The following ADAM12 variants were observed in gnomAD, a reference collection of about 807,000 sequenced individuals.
ADAM12 encodes disintegrin and metalloproteinase domain-containing protein 12.
Under a neutral mutation model 106.4 loss-of-function variants are expected in ADAM12, and 70 were observed. The observed-to-expected ratio is 0.66, with a 90% CI of 0.54 to 0.80. The LOEUF is 0.80. ADAM12 is among the 30% of genes least tolerant of loss of function. The pLI, the probability that ADAM12 is intolerant of heterozygous loss-of-function variation, is 0.00. For missense variants in ADAM12, 1,010 were observed against 1,171.9 expected (o/e 0.86, Z 2.02); for synonymous variants, 420 against 433.5 (o/e 0.97, Z 0.39).
chr10:126,191,087 C>T (rs1282621134), intron 3 of ADAM12, among the ~76,000 whole-genome samples: 13 of 149,054 alleles, frequency 8.7e-5, no homozygotes, highest in African/African-American at 1.7e-4. Context: ...CTGCAACCTC[C>T]GCCTCCTGGG....
In ADAM12 at chr10:126,049,003, C is replaced by G. The variant is rs1321695336; in HGVS notation, c.1917+250G>C. 6.6e-6 allele frequency among the ~76,000 whole-genome samples: 1 copy of G among 152,198 alleles called. No individual in the cohort carries two copies. The highest frequency in any genetic ancestry group is 2.4e-5 in the African/African-American group (1 of 41,442). On this transcript the variant is annotated intron_variant, in intron 16 of 22. Coordinates refer to ENST00000448723, the MANE Select transcript of ADAM12 (RefSeq NM_001288973.2). The surrounding 1 kb of genome is among the most constrained non-coding windows in gnomAD (Gnocchi z 4.4). ...CAAAGTAATTTCCTGGCTAGAAGTC[C>G]TCATGCCACCTGGAGTGTAGAAATG...
At chr10:126,177,836 T>C (rs191621443) in intron 3 of ADAM12, among the ~76,000 whole-genome samples, 5 of 152,296 alleles carry the variant, frequency 3.3e-5, no homozygotes, top group Non-Finnish European at 7.3e-5. Context: ...CCTTCTTCAC[T>C]ATCAGGCTTT....
intron 1 of ADAM12, among the ~76,000 whole-genome samples, chr10:126,351,788 C>T (rs777646586): frequency 6.6e-6 from 1 of 152,164 alleles, no homozygotes; most frequent in South Asian, 2.1e-4. Flanking sequence ...CCCCCACCCC[C>T]AGTGAGAAGT....
In ADAM12 at chr10:126,065,100, C is replaced by T. The variant is rs567894159; in HGVS notation, c.1414-99G>A. The T allele has an allele frequency of 4.8e-6, 6 of 1,247,374 alleles. No homozygotes were observed. The South Asian group carries it at 9.3e-5, about 19-fold the overall frequency. The allele number at this position is 1,247,374 out of a possible 1,614,324, so 77.3% of individuals were successfully genotyped here. On this transcript the variant is annotated intron_variant, in intron 13 of 22. Coordinates refer to ENST00000448723, the MANE Select transcript of ADAM12 (RefSeq NM_001288973.2). ...CTGGAGTGGACAAGGCCATAAGTCC[C>T]ACATAAGGGGTGAGGATTTCAAAGG...
chr10:126,154,226 C>T (rs1956775783), intron 4 of ADAM12, among the ~76,000 whole-genome samples: 1 of 152,210 alleles, frequency 6.6e-6, no homozygotes, highest in African/African-American at 2.4e-5. Context: ...AATAACATCC[C>T]CTCTTTGTTT....
At chr10:126,035,050 C>G (rs1954034279) in intron 21 of ADAM12, among the ~76,000 whole-genome samples, 1 of 152,028 alleles carries the variant, frequency 6.6e-6, no homozygotes, top group African/African-American at 2.4e-5. Flanking sequence ...TGGAAAAGTC[C>G]AACATCTCCT....
intron 14 of ADAM12, among the ~76,000 whole-genome samples, chr10:126,050,319 A>G (rs934476348): frequency 3.9e-5 from 6 of 152,168 alleles, no homozygotes; most frequent in African/African-American, 1.2e-4. Flanking sequence ...GAGCTCAGAA[A>G]TGGCCATTTT....
At chr10:126,041,300 C>T in intron 18 of ADAM12, 1 of 984,620 alleles carries the variant, frequency 1.0e-6, no homozygotes. Context: ...TTGCTCATGG[C>T]CTGCCTTGAT....
At chr10:126,278,558 G>A (rs1959391659) in intron 3 of ADAM12, among the ~76,000 whole-genome samples, 1 of 152,144 alleles carries the variant, frequency 6.6e-6, no homozygotes, top group African/African-American at 2.4e-5. Flanking sequence ...GTTTGAAGCT[G>A]TTTCCCCTAA....
rs190068801 is a variant in ADAM12 at position 126,065,572 on chromosome 10, C to T, written c.1414-571G>A. 3.7e-3 allele frequency among the ~76,000 whole-genome samples: 563 copies of T among 152,234 alleles called. 3 individuals carry two copies. Among genetic ancestry groups the T allele is most frequent in the Non-Finnish European group, 6.8e-3 (461 of 68,010 alleles). On this transcript the variant is annotated intron_variant, in intron 13 of 22. Coordinates refer to ENST00000448723, the MANE Select transcript of ADAM12 (RefSeq NM_001288973.2). ...GTAAAGGATGTTAGAAGCCATCTGA[C>T]CAATGGCTCAGCTTTTTGTGGTTGA... is the stretch of plus-strand genomic sequence containing the variant.
At chr10:126,294,569 T>A (rs1281645180) in intron 2 of ADAM12, among the ~76,000 whole-genome samples, 1 of 152,118 alleles carries the variant, frequency 6.6e-6, no homozygotes, top group African/African-American at 2.4e-5. Flanking sequence ...AAGAATGACC[T>A]GACTTAAATG....
chr10:126,323,876 G>A (rs1854197057), intron 2 of ADAM12, among the ~76,000 whole-genome samples: 1 of 152,148 alleles, frequency 6.6e-6, no homozygotes, highest in Non-Finnish European at 1.5e-5. Flanking sequence ...AGAGCACTGG[G>A]GCATTGCTTA....
Position 126,046,111 on chromosome 10 carries a change from G to C in ADAM12, c.1939C>G (p.Gln647Glu). The part of the protein sequence containing the change: ...DGKICLNRQC[Q>E]NISVFGVHEC... ...TGAACCCCAAAGACACTAATATTTT[G>C]ACATTGACGATTCAGGCAGATCTGT... The change falls in exon 17 of 23, where the codon CAA (glutamine) becomes GAA (glutamate). Residue 647 changes from glutamine to glutamate, a missense_variant. By Grantham distance (29) the Gln-to-Glu change is conservative. Transcript: ENST00000448723. 1 of 1,614,134 alleles carries C rather than the reference G, an allele frequency of 6.2e-7. No homozygotes were observed. The highest frequency in any genetic ancestry group is 8.5e-7 in the Non-Finnish European group (1 of 1,180,004).
chr10:126,142,490 T>TA (rs1467601158), intron 4 of ADAM12, among the ~76,000 whole-genome samples: 1 of 152,360 alleles, frequency 6.6e-6, no homozygotes, highest in Admixed American at 6.5e-5. Context: ...AGAACACCTT[T>TA]AAGCAGTTTT....
At chr10:126,045,462 T>C (rs986103282) in intron 17 of ADAM12, among the ~76,000 whole-genome samples, 2 of 152,190 alleles carry the variant, frequency 1.3e-5, no homozygotes, top group African/African-American at 2.4e-5. Context: ...TAGGAAAGGT[T>C]TCAGGAAAAC....
At chr10:126,377,571 G>A (rs1856339382) in intron 1 of ADAM12, among the ~76,000 whole-genome samples, 1 of 152,070 alleles carries the variant, frequency 6.6e-6, no homozygotes, top group South Asian at 2.1e-4. Flanking sequence ...TGACTCAAAT[G>A]TTAATCTCCT....
intron 3 of ADAM12, among the ~76,000 whole-genome samples, chr10:126,166,544 C>G (rs533717949): frequency 1.2e-4 from 19 of 152,118 alleles, no homozygotes; most frequent in Non-Finnish European, 2.4e-4. Context: ...TATCACCAGG[C>G]TGGAGTGCAG....
chr10:126,337,168 G>A (rs1308843924), intron 1 of ADAM12, among the ~76,000 whole-genome samples: 2 of 152,218 alleles, frequency 1.3e-5, no homozygotes, highest in Non-Finnish European at 2.9e-5. Context: ...GAGGCTGGTA[G>A]TGGCTCTGTC....
rs550369959 is a variant in ADAM12 at position 126,299,981 on chromosome 10, G to A, written c.187-20993C>T. Among the ~76,000 whole-genome samples, 8 of 152,236 alleles carry A rather than the reference G, an allele frequency of 5.3e-5. No homozygotes were observed. The South Asian group carries it at 6.2e-4, about 12-fold the overall frequency. ...TTTTCTCTGACATCCTCATATCACC[G>A]TCAGTCTCTTCACCATCTTCGAAGT... On this transcript the variant is annotated intron_variant, in intron 2 of 22. Transcript: ENST00000448723.
Sources: gnomAD v4.1 joint callset for allele counts (sites outside exome capture counted in the v4.1 genomes callset) on GRCh38, gnomAD v4.1.1 for gene constraint, Gnocchi (gnomAD v3.1) non-coding constraint, MANE v1.5 for transcripts, NCBI Gene and HGNC (gene_info 2026-07-23, HGNC 2026-07-21) for gene names.